The following DPYSL3 variants were observed in gnomAD, a reference collection of about 807,000 sequenced individuals.
DPYSL3 encodes dihydropyrimidinase-related protein 3.
Under a neutral mutation model 66.1 loss-of-function variants are expected in DPYSL3, and 16 were observed. The observed-to-expected ratio is 0.24, with a 90% CI of 0.16 to 0.37. The LOEUF (loss-of-function observed/expected upper bound fraction) is 0.37. DPYSL3 is among the 10% of genes least tolerant of loss of function. The pLI is 1.00. For missense variants in DPYSL3, 738 were observed against 916.2 expected, an observed-to-expected ratio of 0.81 and a Z score of 2.51; for synonymous variants, 338 against 345.1, an observed-to-expected ratio of 0.98 and a Z score of 0.23.
chr5:147,397,998 G>C (rs183709283), intron 11 of DPYSL3, among the ~76,000 whole-genome samples, 153 bp from the exon 12 acceptor site: 1 of 152,300 alleles, frequency 6.6e-6, no homozygotes, highest in African/African-American at 2.4e-5. Context: ...GTGGGTAGAA[G>C]GCACCGGAGA....
At chr5:147,453,661 C>G in intron 1 of DPYSL3, 2 of 1,483,792 alleles carry the variant, frequency 1.3e-6, no homozygotes, top group Non-Finnish European at 1.8e-6. Context: ...CCTTCCTCAG[C>G]GCACAGCGCC....
chr5:147,467,119 A>AT (rs796755163), intron 1 of DPYSL3, among the ~76,000 whole-genome samples: 16 of 152,198 alleles, frequency 1.1e-4, no homozygotes, highest in African/African-American at 3.4e-4. Flanking sequence ...CCAGGCACTT[A>AT]TTTTTTCACT....
chr5:147,472,586 A>G (rs1561799548), intron 1 of DPYSL3: 1 of 152,172 alleles, frequency 6.6e-6, no homozygotes, highest in African/African-American at 2.4e-5. Context: ...TTATTTTTCC[A>G]TCATGTTACA....
chr5:147,494,605 C>T (rs59183728), intron 1 of DPYSL3, among the ~76,000 whole-genome samples: 1 of 151,110 alleles, frequency 6.6e-6, no homozygotes, highest in East Asian at 1.9e-4. Context: ...GTGGCTCACA[C>T]CTGTAATCCC....
At chr5:147,396,686 A>T (rs17484444) in intron 12 of DPYSL3, among the ~76,000 whole-genome samples, 16,969 of 152,166 alleles carry the variant, frequency 0.11, 1,246 homozygotes, top group Non-Finnish European at 0.15. Context: ...TACATCATCA[A>T]CACTTCCCTG....
intron 1 of DPYSL3, among the ~76,000 whole-genome samples, chr5:147,430,781 A>T (rs2126345916): frequency 6.6e-6 from 1 of 152,300 alleles, no homozygotes; most frequent in South Asian, 2.1e-4. Flanking sequence ...TGTCTATCTG[A>T]GGTAATGAGA....
At chr5:147,411,959 T>C (rs1379883735) in intron 6 of DPYSL3, among the ~76,000 whole-genome samples, 3 of 152,152 alleles carry the variant, frequency 2.0e-5, no homozygotes, top group Admixed American at 2.0e-4. Flanking sequence ...CAAAGGCCAA[T>C]CTTGAGATGT....
chr5:147,479,118 T>C (rs1310876610), intron 1 of DPYSL3, among the ~76,000 whole-genome samples: 6 of 152,110 alleles, frequency 3.9e-5, no homozygotes, highest in African/African-American at 1.2e-4. Context: ...CTACTACTTA[T>C]TGAGGGTTTT....
chr5:147,444,908 C>A (rs1405903108), intron 1 of DPYSL3, among the ~76,000 whole-genome samples: 3 of 151,860 alleles, frequency 2.0e-5, no homozygotes, highest in Non-Finnish European at 4.4e-5. Flanking sequence ...TTAACCAATA[C>A]TTCCAAAATA....
At chr5:147,448,471 A>G (rs1425505498) in intron 1 of DPYSL3, among the ~76,000 whole-genome samples, 1 of 152,228 alleles carries the variant, frequency 6.6e-6, no homozygotes, top group Admixed American at 6.5e-5. Context: ...TTACAAAATC[A>G]TTTCCTAAGT....
chr5:147,460,089 C>T (rs1752910578), intron 1 of DPYSL3, among the ~76,000 whole-genome samples: 2 of 150,544 alleles, frequency 1.3e-5, no homozygotes, highest in Admixed American at 6.6e-5. Context: ...CCAGCCTGGG[C>T]GACAGAACGA....
intron 1 of DPYSL3, among the ~76,000 whole-genome samples, chr5:147,477,338 A>T (rs1753168815): frequency 6.6e-6 from 1 of 152,186 alleles, no homozygotes; most frequent in East Asian, 1.9e-4. Context: ...TGGCTGAATG[A>T]AAAGAAATGG....
intron 2 of DPYSL3, among the ~76,000 whole-genome samples, chr5:147,423,721 GTTTGT>G (rs1292294557): frequency 6.6e-6 from 1 of 151,690 alleles, no homozygotes; most frequent in Admixed American, 6.6e-5. Context: ...TTGTTTGTTT[GTTTGT>G]TTTTGAGACA....
intron 2 of DPYSL3, among the ~76,000 whole-genome samples, chr5:147,423,794 C>T (rs548507169): frequency 6.6e-6 from 1 of 152,284 alleles, no homozygotes; most frequent in East Asian, 1.9e-4. Flanking sequence ...CATCTTGGCT[C>T]ACTGCAACCT....
rs1753726218 is a variant in DPYSL3, at chr5:147,509,442, G to T, written c.381+36C>A. The stretch of plus-strand genomic sequence containing the variant: ...GGCGGCCAGGGCTGGAGAAAGGAAC[G>T]AAGGCAAGGAGGGAAGTGACCCGGG... On this transcript the variant is annotated intron_variant, in intron 1 of 13. Coordinates refer to ENST00000343218, the MANE Select transcript of DPYSL3 (RefSeq NM_001197294.2). The surrounding 1 kb of genome is among the most constrained non-coding windows in gnomAD (Gnocchi z 5.3). 1 of 1,467,808 alleles carries T rather than the reference G, an allele frequency of 6.8e-7. No individual in the cohort carries two copies. The highest frequency in any genetic ancestry group is 2.5e-5 in the East Asian group (1 of 40,286). The allele number at this position is 1,467,808 out of a possible 1,614,324, so 90.9% of individuals were successfully genotyped here.
At chr5:147,443,220 A>G (rs1752566401) in intron 1 of DPYSL3, among the ~76,000 whole-genome samples, 2 of 152,242 alleles carry the variant, frequency 1.3e-5, no homozygotes, top group Non-Finnish European at 2.9e-5. Context: ...AGCACTATTT[A>G]CAATAGCAAA....
chr5:147,444,636 A>G (rs1752596626), intron 1 of DPYSL3, among the ~76,000 whole-genome samples: 1 of 152,102 alleles, frequency 6.6e-6, no homozygotes, highest in African/African-American at 2.4e-5. Context: ...TTACACATAA[A>G]CCTATTGAAA....
chr5:147,431,906 C>T (rs915347797), intron 1 of DPYSL3, among the ~76,000 whole-genome samples: 8 of 152,130 alleles, frequency 5.3e-5, no homozygotes, highest in African/African-American at 1.2e-4. Flanking sequence ...CTCCCACCCA[C>T]GCTCCCTCCA....
chr5:147,488,770 T>A (rs2126444540), intron 1 of DPYSL3, among the ~76,000 whole-genome samples: 1 of 152,114 alleles, frequency 6.6e-6, no homozygotes, highest in Middle Eastern at 3.4e-3. Flanking sequence ...ATCCCACCAC[T>A]TTGGGAGGCC....
Sources: gnomAD v4.1 joint callset for allele counts (sites outside exome capture counted in the v4.1 genomes callset) on GRCh38, gnomAD v4.1.1 for gene constraint, Gnocchi (gnomAD v3.1) non-coding constraint, MANE v1.5 for transcripts, NCBI Gene and HGNC (gene_info 2026-07-23, HGNC 2026-07-21) for gene names.